MYO1E: variants seen among roughly 807,000 people sequenced by gnomAD.
MYO1E encodes unconventional myosin-Ie.
MYO1E carries 68 observed loss-of-function variants against 151.1 expected under a neutral mutation model. The ratio of observed to expected loss-of-function variants is 0.45; its 90% CI spans 0.37 to 0.55. The LOEUF (loss-of-function observed/expected upper bound fraction) is 0.55, where lower values mean the gene tolerates loss of function less well. Ranked by LOEUF, MYO1E falls within the 20% of genes least tolerant of loss-of-function variation. The probability of loss-of-function intolerance (pLI) is 0.00; values close to 1 mark genes in which losing one functional copy is unlikely to be tolerated. For missense variants in MYO1E, 1,363 were observed against 1,389.3 expected (o/e 0.98, Z 0.30); for synonymous variants, 601 against 501.7 (o/e 1.20, Z -2.64).
At chr15:59,338,436 G>A (rs1274145895) in intron 1 of MYO1E, among the ~76,000 whole-genome samples, 1 of 152,012 alleles carries the variant, frequency 6.6e-6, no homozygotes, top group Non-Finnish European at 1.5e-5. Flanking sequence ...TCCATGAAGG[G>A]ATATCACCTG....
At chr15:59,290,241 C>G (rs2080411129) in intron 1 of MYO1E, among the ~76,000 whole-genome samples, 1 of 152,172 alleles carries the variant, frequency 6.6e-6, no homozygotes, top group Non-Finnish European at 1.5e-5. Flanking sequence ...AATGGATTCC[C>G]CACTCGGTGA....
intron 4 of MYO1E, among the ~76,000 whole-genome samples, chr15:59,249,191 A>T (rs1384068533): frequency 6.6e-6 from 1 of 152,174 alleles, no homozygotes; most frequent in Non-Finnish European, 1.5e-5. Flanking sequence ...TGGGAGGCTG[A>T]GGCGGGTGGA....
At chr15:59,324,671 C>CCCG (rs1555420287) in intron 1 of MYO1E, among the ~76,000 whole-genome samples, 14 of 139,202 alleles carry the variant, frequency 1.0e-4, no homozygotes, top group African/African-American at 3.6e-4. Flanking sequence ...AAGCCCCCCC[C>CCCG]CCACAGAGGG....
chr15:59,174,317 G>A (rs2079612208), intron 19 of MYO1E, 77 bp from the exon 20 acceptor site: 1 of 1,039,566 alleles, frequency 9.6e-7, no homozygotes. Context: ...TGTTATTCCA[G>A]GGACCCTCAG....
intron 9 of MYO1E, among the ~76,000 whole-genome samples, chr15:59,218,934 C>T (rs2079936739): frequency 6.6e-6 from 1 of 152,082 alleles, no homozygotes; most frequent in Admixed American, 6.6e-5. Context: ...AAGTTCAGGT[C>T]AGATTTAAAA....
Position 59,370,401 on chromosome 15 carries a change from CA to C in MYO1E, c.3+2096del, listed in dbSNP as rs745886180. On this transcript the variant is annotated intron_variant, in intron 1 of 27. Transcript: ENST00000288235. ...CAGGAAAGAAATGATTAACTTTGGC[CA>C]AATCACTCTGGATCCAGTAGATCTA... 1.5e-4 allele frequency among the ~76,000 whole-genome samples: 23 copies of C among 152,328 alleles called. No individual in the cohort carries two copies. The East Asian group carries it at 1.9e-3, about 13-fold the overall frequency.
intron 1 of MYO1E, among the ~76,000 whole-genome samples, chr15:59,277,759 T>C (rs2080329839): frequency 6.6e-6 from 1 of 152,180 alleles, no homozygotes; most frequent in Admixed American, 6.5e-5. Flanking sequence ...TTGCAGTCAT[T>C]AAAGGAACTT....
intron 4 of MYO1E, among the ~76,000 whole-genome samples, chr15:59,237,470 T>C (rs927425658): frequency 6.6e-6 from 1 of 152,226 alleles, no homozygotes; most frequent in Non-Finnish European, 1.5e-5. Context: ...TCCCCCTGAA[T>C]TGATAATGAC....
At position 59,171,880 on chromosome 15, in the gene MYO1E, G is replaced by A; in HGVS notation, c.2480+17C>T. The A allele has an allele frequency of 6.2e-7, 1 of 1,614,086 alleles. No homozygotes were observed. Among genetic ancestry groups the A allele is most frequent in the Non-Finnish European group, 8.5e-7 (1 of 1,179,990 alleles). On this transcript the variant is annotated intron_variant, in intron 22 of 27. Coordinates refer to ENST00000288235, the MANE Select transcript of MYO1E (RefSeq NM_004998.4). ...GGCGAGAAGGGGCAGTCCTGCCTCT[G>A]CACCTCCACTACTCACCTGAGGGAC...
chr15:59,290,057 T>C (rs762139427), intron 1 of MYO1E, among the ~76,000 whole-genome samples: 2 of 152,210 alleles, frequency 1.3e-5, no homozygotes, highest in Non-Finnish European at 2.9e-5. Context: ...TTTGCGTACA[T>C]TGTTTCATTT....
At chr15:59,207,868 G>A (rs200340314) in intron 14 of MYO1E, 15 of 1,614,082 alleles carry the variant, frequency 9.3e-6, no homozygotes, top group Non-Finnish European at 1.3e-5. Flanking sequence ...CGATTTAACA[G>A]AAAGTATTTT....
intron 23 of MYO1E, among the ~76,000 whole-genome samples, chr15:59,162,436 G>A (rs1308551729): frequency 6.6e-6 from 1 of 152,016 alleles, no homozygotes; most frequent in Non-Finnish European, 1.5e-5. Flanking sequence ...TTGAGGTTAG[G>A]AGTTCAAGAC....
At chr15:59,262,102 G>C (rs2080227427) in intron 2 of MYO1E, among the ~76,000 whole-genome samples, 1 of 152,060 alleles carries the variant, frequency 6.6e-6, no homozygotes, top group South Asian at 2.1e-4. Flanking sequence ...CTGTACTCAG[G>C]AGGCTGAGGC....
At chr15:59,150,473 G>C (rs1298810137) in intron 26 of MYO1E, among the ~76,000 whole-genome samples, 3 of 152,240 alleles carry the variant, frequency 2.0e-5, no homozygotes, top group Non-Finnish European at 4.4e-5. Flanking sequence ...AGGCTGGAAA[G>C]ATGGTTTTGC....
intron 1 of MYO1E, among the ~76,000 whole-genome samples, chr15:59,311,446 T>G (rs1002240132): frequency 6.6e-6 from 1 of 152,134 alleles, no homozygotes; most frequent in South Asian, 2.1e-4. Flanking sequence ...CTTCCTGCTG[T>G]GCATCCCAGT....
intron 21 of MYO1E, among the ~76,000 whole-genome samples, chr15:59,173,146 G>T (rs1466588394): frequency 6.6e-6 from 1 of 152,156 alleles, no homozygotes; most frequent in Non-Finnish European, 1.5e-5. Flanking sequence ...CAGCCACTCT[G>T]GGAAAATGGA....
At chr15:59,203,105 C>T (rs75234348) in intron 15 of MYO1E, among the ~76,000 whole-genome samples, 7,639 of 152,262 alleles carry the variant, frequency 0.05, 220 homozygotes, top group Middle Eastern at 0.095. Context: ...TATGAAATGT[C>T]TGGATTCAGT....
At chr15:59,352,132 G>C (rs1205303648) in intron 1 of MYO1E, among the ~76,000 whole-genome samples, 1 of 152,184 alleles carries the variant, frequency 6.6e-6, no homozygotes, top group African/African-American at 2.4e-5. Context: ...CCTATTCTGT[G>C]CATCTCCTTA....
chr15:59,253,901 C>CTTTTTT (rs34819314), intron 4 of MYO1E, among the ~76,000 whole-genome samples: 1 of 135,822 alleles, frequency 7.4e-6, no homozygotes, highest in Non-Finnish European at 1.6e-5. Flanking sequence ...GACAAACAAC[C>CTTTTTT]TTTTTTTTTT....
Sources: gnomAD v4.1 joint callset for allele counts (sites outside exome capture counted in the v4.1 genomes callset) on GRCh38, gnomAD v4.1.1 for gene constraint, MANE v1.5 for transcripts, NCBI Gene and HGNC (gene_info 2026-07-23, HGNC 2026-07-21) for gene names.